Variants in CHL1 observed in about 807,000 individuals in gnomAD.
The protein encoded by CHL1 is neural cell adhesion molecule L1-like protein.
In CHL1, 96 loss-of-function variants were observed where a neutral mutation model predicts 141.9. That is an observed-to-expected ratio of 0.68 (90% CI 0.57 to 0.80). CHL1 has a LOEUF of 0.80. Ranked by LOEUF, CHL1 falls within the 30% of genes least tolerant of loss-of-function variation. The probability of loss-of-function intolerance (pLI) is 0.00; values close to 1 mark genes in which losing one functional copy is unlikely to be tolerated. For missense variants in CHL1, 1,820 were observed against 1,457.2 expected (o/e 1.25, Z -4.05); for synonymous variants, 613 against 502.2 (o/e 1.22, Z -2.95).
At position 363,143 on chromosome 3, in the gene CHL1, G is replaced by A. The variant is rs535102800; in HGVS notation, c.1419-74G>A. ...TTGAAAGGGGATTAGCCTGAATGAC[G>A]TCACTGACTAGTATTAAAAAGCGTA... On this transcript the variant is annotated intron_variant, in intron 13 of 27. Transcript: ENST00000256509. 192 of 1,258,046 alleles carry A rather than the reference G, an allele frequency of 1.5e-4. No individual in the cohort carries two copies. In the African/African-American group the frequency reaches 1.8e-3, roughly 12 times the overall value. The allele number at this position is 1,258,046 out of a possible 1,614,324, so 77.9% of individuals were successfully genotyped here. A position where few individuals can be genotyped will look rare whatever the true frequency, so the allele number is the denominator to read the frequency against.
intron 1 of CHL1, among the ~76,000 whole-genome samples, chr3:229,165 T>C (rs1240669364): frequency 6.6e-6 from 1 of 152,186 alleles, no homozygotes; most frequent in African/African-American, 2.4e-5. Context: ...TAAGGTGGTG[T>C]TACATTTCAC....
intron 2 of CHL1, among the ~76,000 whole-genome samples, chr3:269,118 A>C (rs1266829663): frequency 1.3e-5 from 2 of 152,222 alleles, no homozygotes; most frequent in Admixed American, 1.3e-4. Context: ...TTGAAAGAAA[A>C]AACTCAATTT....
chr3:227,564 G>C (rs1011880122), intron 1 of CHL1, among the ~76,000 whole-genome samples: 4 of 152,170 alleles, frequency 2.6e-5, no homozygotes, highest in African/African-American at 9.7e-5. Context: ...AATCAAAAGT[G>C]ATTAAAAATA....
At chr3:353,921 GTT>G (rs1031288931) in intron 10 of CHL1, among the ~76,000 whole-genome samples, 2 of 152,040 alleles carry the variant, frequency 1.3e-5, no homozygotes, top group African/African-American at 4.8e-5. Context: ...AAAACATAGA[GTT>G]ATAAAAACAT....
At chr3:323,103 C>A (rs1205505227) in intron 3 of CHL1, among the ~76,000 whole-genome samples, 2 of 151,918 alleles carry the variant, frequency 1.3e-5, no homozygotes, top group Non-Finnish European at 2.9e-5. Flanking sequence ...AGCTGGACAT[C>A]ATCTTTACTT....
At chr3:393,503 TAGA>T (rs1708419960) in intron 23 of CHL1, among the ~76,000 whole-genome samples, 1 of 152,082 alleles carries the variant, frequency 6.6e-6, no homozygotes, top group African/African-American at 2.4e-5. Context: ...TCTTAGAATA[TAGA>T]AGTTGAAATA....
chr3:291,729 G>T (rs1156842646), intron 2 of CHL1, among the ~76,000 whole-genome samples: 1 of 151,746 alleles, frequency 6.6e-6, no homozygotes, highest in South Asian at 2.1e-4. Flanking sequence ...ACCCATATTT[G>T]CACTGGTAGA....
chr3:364,700 T>C (rs1704644553), intron 14 of CHL1, among the ~76,000 whole-genome samples: 1 of 152,144 alleles, frequency 6.6e-6, no homozygotes, highest in South Asian at 2.1e-4. Flanking sequence ...CTATATAGTA[T>C]AGTGATTGAG....
At chr3:309,388 C>G (rs555602198) in intron 2 of CHL1, 1 of 126,432 alleles carries the variant, frequency 7.9e-6, no homozygotes, top group African/African-American at 3.4e-5. Context: ...TCCTTCCTTC[C>G]TTCCTCCTTC....
intron 2 of CHL1, among the ~76,000 whole-genome samples, chr3:279,334 C>T (rs558945503): frequency 6.6e-6 from 1 of 152,144 alleles, no homozygotes; most frequent in South Asian, 2.1e-4. Context: ...GAGCCTTAAG[C>T]TTCTTAAAAT....
intron 1 of CHL1, among the ~76,000 whole-genome samples, chr3:228,745 T>G (rs1701601855): frequency 6.6e-6 from 1 of 152,158 alleles, no homozygotes; most frequent in South Asian, 2.1e-4. Flanking sequence ...ATAAGTAAGG[T>G]GGCATCTTAT....
intron 2 of CHL1, among the ~76,000 whole-genome samples, chr3:255,391 C>G (rs2125161217): frequency 6.6e-6 from 1 of 152,284 alleles, no homozygotes; most frequent in African/African-American, 2.4e-5. Flanking sequence ...GATTTCTATG[C>G]TGCATTGACT....
chr3:320,891 T>C (rs1024213465), intron 3 of CHL1, among the ~76,000 whole-genome samples: 2 of 151,998 alleles, frequency 1.3e-5, no homozygotes, highest in Non-Finnish European at 2.9e-5. Flanking sequence ...TGTATATAAT[T>C]TGGAGGGTTA....
chr3:314,367 A>ATATATATATC (rs1700008059), intron 2 of CHL1, among the ~76,000 whole-genome samples: 2 of 127,524 alleles, frequency 1.6e-5, no homozygotes, highest in Non-Finnish European at 3.2e-5. Flanking sequence ...ATATATATAT[A>ATATATATATC]TATCTGCTTC....
At chr3:379,257 G>A (rs77657632) in intron 16 of CHL1, among the ~76,000 whole-genome samples, 3,777 of 152,134 alleles carry the variant, frequency 0.025, 157 homozygotes, top group African/African-American at 0.086. Flanking sequence ...TGTCTCGGGC[G>A]AAACAAATGG....
Position 406,704 on chromosome 3 carries a change from A to G in CHL1, c.*993A>G, listed in dbSNP as rs896825114. On this transcript the variant is annotated 3_prime_UTR_variant, in exon 28 of 28. Transcript: ENST00000256509. ...ACAGGCATGTTTGTACAGCTAGAAT[A>G]TATTAGTAAGATACTGTTTTTCGTC... 6.6e-6 allele frequency: 1 copy of G among 152,174 alleles called. No individual in the cohort carries two copies. The allele number at this position is 152,174 out of a possible 1,614,324, so 9.4% of individuals were successfully genotyped here.
chr3:239,977 C>A (rs1053782491), intron 1 of CHL1, among the ~76,000 whole-genome samples: 2 of 152,168 alleles, frequency 1.3e-5, no homozygotes, highest in African/African-American at 4.8e-5. Flanking sequence ...ACCACAATTT[C>A]TTTATCCACT....
At chr3:240,777 G>A (rs1233854336) in intron 1 of CHL1, among the ~76,000 whole-genome samples, 5 of 115,866 alleles carry the variant, frequency 4.3e-5, no homozygotes, top group Non-Finnish European at 1.1e-4. Flanking sequence ...TTTGTATAAG[G>A]TAGGAGATGA....
intron 2 of CHL1, among the ~76,000 whole-genome samples, chr3:271,438 CA>C (rs567287260): frequency 6.6e-6 from 1 of 151,878 alleles, no homozygotes; most frequent in African/African-American, 2.4e-5. Flanking sequence ...GACCCTGTCT[CA>C]AAAAAATCAT....
Sources: allele counts gnomAD v4.1 joint callset (sites outside exome capture counted in the v4.1 genomes callset), GRCh38; gene constraint gnomAD v4.1.1; transcripts MANE v1.5; gene names NCBI Gene and HGNC (gene_info 2026-07-23, HGNC 2026-07-21).